The following TOP6BL variants were observed in gnomAD, a reference collection of about 807,000 sequenced individuals.
TOP6BL encodes the protein TOP6B like initiator of meiotic double strand breaks.
At chr11:66,755,035 T>C in the TOP6BL span, among the ~76,000 whole-genome samples, 7 of 152,206 alleles carry the variant, frequency 4.6e-5, no homozygotes, top group Non-Finnish European at 8.8e-5. Flanking sequence ...TCAGGTTGTT[T>C]CTTGGCCTTC....
the TOP6BL span, among the ~76,000 whole-genome samples, chr11:66,761,241 G>A: frequency 6.6e-6 from 1 of 151,922 alleles, no homozygotes; most frequent in Non-Finnish European, 1.5e-5. Context: ...CGTGGTGGCG[G>A]GCGCCTGTAG....
At chr11:66,806,786 C>T in the TOP6BL span, among the ~76,000 whole-genome samples, 2 of 151,894 alleles carry the variant, frequency 1.3e-5, no homozygotes, top group African/African-American at 2.4e-5. Flanking sequence ...ACAGAAGAGG[C>T]GTGGTATGAT....
chr11:66,767,284 A>G, the TOP6BL span, among the ~76,000 whole-genome samples: 1 of 152,136 alleles, frequency 6.6e-6, no homozygotes, highest in Non-Finnish European at 1.5e-5. Context: ...TTCCATTTAT[A>G]TATTCATTTA....
chr11:66,747,027 C>T, the TOP6BL span, among the ~76,000 whole-genome samples: 1 of 151,978 alleles, frequency 6.6e-6, no homozygotes, highest in Non-Finnish European at 1.5e-5. Context: ...GCCTCCACCT[C>T]CCGAGTTCAA....
At chr11:66,793,444 G>GTT in the TOP6BL span, among the ~76,000 whole-genome samples, 406 of 97,948 alleles carry the variant, frequency 4.1e-3, 9 homozygotes, top group African/African-American at 6.9e-3. Context: ...TTCTTTTTTT[G>GTT]TTTTTTTTTT....
the TOP6BL span, chr11:66,756,636 A>G: frequency 5.8e-6 from 4 of 693,552 alleles, no homozygotes; most frequent in Admixed American, 6.2e-5. Flanking sequence ...ACTTATCTGT[A>G]AAATACATAT....
the TOP6BL span, among the ~76,000 whole-genome samples, chr11:66,757,415 G>C: frequency 5.3e-5 from 8 of 152,092 alleles, no homozygotes; most frequent in African/African-American, 1.9e-4. Flanking sequence ...TTAGGCCTTT[G>C]GAAGTGTGTA....
chr11:66,820,384 CAA>C, the TOP6BL span, among the ~76,000 whole-genome samples: 3 of 152,290 alleles, frequency 2.0e-5, no homozygotes, highest in African/African-American at 7.2e-5. Context: ...ACACTGAAAA[CAA>C]AGAATAATCA....
chr11:66,816,275 A>C, the TOP6BL span: 1 of 1,422,034 alleles, frequency 7.0e-7, no homozygotes, highest in Non-Finnish European at 9.5e-7. Context: ...TGTAATGCAC[A>C]CATCTAAATT....
the TOP6BL span, among the ~76,000 whole-genome samples, chr11:66,832,392 G>A: frequency 4.6e-5 from 7 of 152,180 alleles, no homozygotes; most frequent in East Asian, 1.9e-4. Context: ...GAGCCACCGC[G>A]CTATGGACAC....
At chr11:66,789,356 C>T in the TOP6BL span, among the ~76,000 whole-genome samples, 2 of 152,140 alleles carry the variant, frequency 1.3e-5, no homozygotes, top group African/African-American at 4.8e-5. Flanking sequence ...TCTCTCATCT[C>T]CTATTTTCCT....
chr11:66,824,507 A>G, the TOP6BL span, among the ~76,000 whole-genome samples: 1 of 150,780 alleles, frequency 6.6e-6, no homozygotes, highest in Non-Finnish European at 1.5e-5. Context: ...CAGGTTAGTT[A>G]CATATGTATA....
the TOP6BL span, among the ~76,000 whole-genome samples, chr11:66,791,339 T>C: frequency 6.6e-6 from 1 of 152,238 alleles, no homozygotes; most frequent in Non-Finnish European, 1.5e-5. Flanking sequence ...AAAAGCAATC[T>C]GATTTTATAA....
At chr11:66,839,053 T>C in the TOP6BL span, 27 of 449,344 alleles carry the variant, frequency 6.0e-5, no homozygotes, top group Admixed American at 6.2e-4. Context: ...ACTCTTAATG[T>C]GTGTTATGGG....
the TOP6BL span, among the ~76,000 whole-genome samples, chr11:66,835,604 A>G: frequency 2.0e-5 from 3 of 152,240 alleles, no homozygotes; most frequent in Non-Finnish European, 4.4e-5. Flanking sequence ...GGCAACCACT[A>G]GTATGCTTCC....
chr11:66,746,844 A>C, the TOP6BL span, among the ~76,000 whole-genome samples: 1 of 151,846 alleles, frequency 6.6e-6, no homozygotes, highest in South Asian at 2.1e-4. Flanking sequence ...CCATCACTGC[A>C]CTCCAGCCTG....
chr11:66,787,551 CA>C, the TOP6BL span, among the ~76,000 whole-genome samples: 45,532 of 92,084 alleles, frequency 0.49, 8,292 homozygotes, highest in African/African-American at 0.59. Flanking sequence ...ATTAAAAATA[CA>C]AAAAAAAAAA....
At chr11:66,837,445 A>AT in the TOP6BL span, among the ~76,000 whole-genome samples, 18,198 of 111,850 alleles carry the variant, frequency 0.16, 1,773 homozygotes, top group African/African-American at 0.28. Flanking sequence ...CAAATTTTTA[A>AT]TTTTTTTTTT....
the TOP6BL span, among the ~76,000 whole-genome samples, chr11:66,770,744 A>G: frequency 6.6e-6 from 1 of 152,062 alleles, no homozygotes; most frequent in African/African-American, 2.4e-5. Flanking sequence ...ATGAAATTGA[A>G]GTTTTTTAAA....
Sources: gnomAD v4.1 joint callset for allele counts (sites outside exome capture counted in the v4.1 genomes callset) on GRCh38, gnomAD v4.1.1 for gene constraint, MANE v1.5 for transcripts, NCBI Gene and HGNC (gene_info 2026-07-23, HGNC 2026-07-21) for gene names.